GPR137B: variants seen among roughly 807,000 people sequenced by gnomAD.
GPR137B encodes the protein G protein-coupled receptor 137B.
GPR137B carries 42 observed loss-of-function variants against 42.5 expected under a neutral mutation model. The observed-to-expected ratio is 0.99, with a 90% CI of 0.77 to 1.28. GPR137B has a LOEUF of 1.28. Among genes scored for constraint, GPR137B ranks in the 50% most tolerant of loss-of-function variants. The pLI is 0.00. For synonymous variants in GPR137B, 218 were observed against 209.7 expected (o/e 1.04, Z -0.34); for missense variants, 487 against 493.9 (o/e 0.99, Z 0.13).
At position 236,208,612 on chromosome 1, in the gene GPR137B, G is replaced by T; in HGVS notation, c.*454G>T. On this transcript the variant is annotated 3_prime_UTR_variant, in exon 7 of 7. Transcript: ENST00000366592. ...ATCTTACCTCTTTAGGTCACTGATG[G>T]TCACTCCGATTCTGAGTGCCACATT... The T allele has an allele frequency of 8.1e-6, 8 of 985,144 alleles. No homozygotes were observed. The highest frequency in any genetic ancestry group is 9.6e-6 in the Non-Finnish European group (8 of 829,254). 61.0% of individuals were successfully genotyped at this position (985,144 alleles called of 1,614,324 possible).
At chr1:236,159,739 C>T (rs1662134847) in intron 1 of GPR137B, among the ~76,000 whole-genome samples, 1 of 152,206 alleles carries the variant, frequency 6.6e-6, no homozygotes, top group Non-Finnish European at 1.5e-5. Context: ...TGCTCAAAGG[C>T]CTTTATGCTT....
chr1:236,175,124 C>T (rs746846112), intron 2 of GPR137B, among the ~76,000 whole-genome samples: 5 of 152,004 alleles, frequency 3.3e-5, no homozygotes, highest in Admixed American at 6.6e-5. Flanking sequence ...GTCAGGAGTT[C>T]GAGGCTGCAG....
Position 236,178,487 on chromosome 1 carries a change from G to C in GPR137B, c.538G>C (p.Val180Leu). Residue 180 changes from valine to leucine, a missense_variant, in exon 3 of 7, where the codon GTA becomes CTA. By Grantham distance (32) the Val-to-Leu change is conservative. Coordinates refer to ENST00000366592, the MANE Select transcript of GPR137B (RefSeq NM_003272.4). ...GGTGAATTTAACCTGTGCTGTGCTGGTAAAGACGGGAAATTGGGAGAGGAA... is the reference window on the plus strand; with the variant it reads ...GGTGAATTTAACCTGTGCTGTGCTGCTAAAGACGGGAAATTGGGAGAGGAA... ...LLVNLTCAVL[V>L]KTGNWERKVI... The C allele has an allele frequency of 1.2e-6, 2 of 1,613,862 alleles. No homozygotes were observed. The highest frequency in any genetic ancestry group is 1.1e-5 in the South Asian group (1 of 91,046).
chr1:236,184,916 G>A (rs562560953), intron 5 of GPR137B, among the ~76,000 whole-genome samples: 58 of 152,126 alleles, frequency 3.8e-4, no homozygotes, highest in South Asian at 1.5e-3. Context: ...ACAGATGCAC[G>A]CCACCATGCC....
At chr1:236,183,125 G>A (rs1440663250) in intron 4 of GPR137B, among the ~76,000 whole-genome samples, 1 of 152,178 alleles carries the variant, frequency 6.6e-6, no homozygotes, top group Non-Finnish European at 1.5e-5. Flanking sequence ...TCTGAAGAGA[G>A]AACACTGCTC....
intron 6 of GPR137B, among the ~76,000 whole-genome samples, chr1:236,206,464 T>C (rs989632553): frequency 1.3e-5 from 2 of 152,184 alleles, no homozygotes; most frequent in African/African-American, 2.4e-5. Flanking sequence ...GGAGTCTCCT[T>C]CCTTGAATCT....
intron 1 of GPR137B, among the ~76,000 whole-genome samples, chr1:236,143,258 G>A (rs1661583495): frequency 6.6e-6 from 1 of 152,272 alleles, no homozygotes; most frequent in Admixed American, 6.5e-5. Flanking sequence ...AGAAGGCAGG[G>A]GAGGGCTGGA....
intron 5 of GPR137B, among the ~76,000 whole-genome samples, chr1:236,201,943 T>C (rs1663504172): frequency 6.6e-6 from 1 of 152,060 alleles, no homozygotes; most frequent in South Asian, 2.1e-4. Flanking sequence ...GGGTGGTTCC[T>C]TGATGTGGGT....
intron 4 of GPR137B, among the ~76,000 whole-genome samples, chr1:236,182,901 G>A (rs57406544): frequency 0.029 from 4,340 of 152,208 alleles, 216 homozygotes; most frequent in African/African-American, 0.091. Flanking sequence ...ACAGTTGTAT[G>A]ACTTACTTGT....
chr1:236,191,475 G>A (rs1663191366), intron 5 of GPR137B, among the ~76,000 whole-genome samples: 1 of 152,102 alleles, frequency 6.6e-6, no homozygotes. Flanking sequence ...CTATCTTTGT[G>A]GATTTATCTA....
intron 5 of GPR137B, among the ~76,000 whole-genome samples, 163 bp from the exon 6 acceptor site, chr1:236,204,963 C>A (rs1663612238): frequency 6.6e-6 from 1 of 152,182 alleles, no homozygotes. Flanking sequence ...GCGAATCCCT[C>A]TCAAACATAA....
intron 1 of GPR137B, among the ~76,000 whole-genome samples, chr1:236,152,471 A>T (rs556766864): frequency 6.6e-6 from 1 of 151,718 alleles, no homozygotes; most frequent in East Asian, 1.9e-4. Flanking sequence ...AAAAAAATGT[A>T]TTGGGGCTGG....
chr1:236,179,743 T>C, intron 3 of GPR137B, 136 bp from the exon 4 acceptor site: 1 of 612,080 alleles, frequency 1.6e-6, no homozygotes, highest in Non-Finnish European at 2.9e-6. Flanking sequence ...AAAAGGACTC[T>C]GATGGAAGAC....
At chr1:236,186,769 G>T (rs921021145) in intron 5 of GPR137B, among the ~76,000 whole-genome samples, 5 of 152,004 alleles carry the variant, frequency 3.3e-5, no homozygotes, top group African/African-American at 9.7e-5. Context: ...CCAAGTCTTT[G>T]CTCTTGTGAA....
chr1:236,191,100 A>G (rs1663179165), intron 5 of GPR137B, among the ~76,000 whole-genome samples: 4 of 151,698 alleles, frequency 2.6e-5, no homozygotes, highest in Middle Eastern at 3.4e-3. Flanking sequence ...TTGATCTTCA[A>G]TCTCATATCC....
chr1:236,201,624 T>C (rs1572010116), intron 5 of GPR137B, among the ~76,000 whole-genome samples: 1 of 152,110 alleles, frequency 6.6e-6, no homozygotes, highest in African/African-American at 2.4e-5. Flanking sequence ...GACAGTTTTT[T>C]ATTATATCTG....
intron 1 of GPR137B, among the ~76,000 whole-genome samples, chr1:236,146,860 C>T (rs150889068): frequency 6.6e-6 from 1 of 152,238 alleles, no homozygotes; most frequent in East Asian, 1.9e-4. Context: ...GTCACCCAGG[C>T]CGCAGTAGTG....
At chr1:236,176,984 GGT>G (rs1466800506) in intron 2 of GPR137B, among the ~76,000 whole-genome samples, 2 of 152,116 alleles carry the variant, frequency 1.3e-5, no homozygotes, top group African/African-American at 4.8e-5. Flanking sequence ...GTGTACCCAT[GGT>G]GTGTGTGCGT....
At chr1:236,170,326 C>T (rs1380304689) in intron 2 of GPR137B, among the ~76,000 whole-genome samples, 1 of 152,118 alleles carries the variant, frequency 6.6e-6, no homozygotes, top group Non-Finnish European at 1.5e-5. Flanking sequence ...AGACTTTTTA[C>T]TTAAAATTCT....
Sources: gnomAD v4.1 joint callset for allele counts (sites outside exome capture counted in the v4.1 genomes callset) on GRCh38, gnomAD v4.1.1 for gene constraint, MANE v1.5 for transcripts, NCBI Gene and HGNC (gene_info 2026-07-23, HGNC 2026-07-21) for gene names.